Variants in CFAP95 observed in about 807,000 individuals in gnomAD.
CFAP95 encodes cilia and flagella associated protein 95.
chr9:69,823,136 G>T, the CFAP95 span, among the ~76,000 whole-genome samples: 7 of 152,184 alleles, frequency 4.6e-5, no homozygotes, highest in Non-Finnish European at 8.8e-5. Context: ...TACAACCATG[G>T]TGGAAGGCAA....
At chr9:69,848,825 G>A in the CFAP95 span, among the ~76,000 whole-genome samples, 1 of 152,132 alleles carries the variant, frequency 6.6e-6, no homozygotes, top group South Asian at 2.1e-4. Flanking sequence ...AATTACCTCA[G>A]TGAAAATCCT....
the CFAP95 span, among the ~76,000 whole-genome samples, chr9:69,878,909 G>A: frequency 6.6e-6 from 1 of 152,080 alleles, no homozygotes; most frequent in African/African-American, 2.4e-5. Flanking sequence ...AAGGTGAAGG[G>A]GGAGCAGGCA....
At chr9:69,854,968 C>G in the CFAP95 span, among the ~76,000 whole-genome samples, 1 of 152,208 alleles carries the variant, frequency 6.6e-6, no homozygotes, top group South Asian at 2.1e-4. Flanking sequence ...TCCACTATTG[C>G]TATCCTCAGT....
chr9:69,860,902 T>C, the CFAP95 span, among the ~76,000 whole-genome samples: 1 of 152,164 alleles, frequency 6.6e-6, no homozygotes, highest in Non-Finnish European at 1.5e-5. Context: ...TCATCTCCTG[T>C]GATAACAATG....
At chr9:69,823,707 G>A in the CFAP95 span, among the ~76,000 whole-genome samples, 21 of 152,320 alleles carry the variant, frequency 1.4e-4, no homozygotes, top group African/African-American at 4.8e-4. Context: ...GGCGGGCTGA[G>A]TCTGAAAAGA....
chr9:69,877,421 A>C, the CFAP95 span, among the ~76,000 whole-genome samples: 45 of 152,336 alleles, frequency 3.0e-4, no homozygotes, highest in Middle Eastern at 3.4e-3. Flanking sequence ...AATTGCTATC[A>C]TTATATCCAC....
At chr9:69,900,267 T>A in the CFAP95 span, among the ~76,000 whole-genome samples, 1 of 152,140 alleles carries the variant, frequency 6.6e-6, no homozygotes, top group Non-Finnish European at 1.5e-5. Context: ...TCTCTCCTCA[T>A]GACTATTGTT....
the CFAP95 span, among the ~76,000 whole-genome samples, chr9:69,891,157 A>G: frequency 1.3e-5 from 2 of 152,244 alleles, no homozygotes; most frequent in Non-Finnish European, 2.9e-5. Context: ...TTCACAATAC[A>G]TGGACAAGGC....
chr9:69,861,730 CAAAAAA>C, the CFAP95 span, among the ~76,000 whole-genome samples: 16 of 86,850 alleles, frequency 1.8e-4, no homozygotes, highest in African/African-American at 7.2e-4. Flanking sequence ...TCTTATGAGT[CAAAAAA>C]AAAAAAAAAA....
the CFAP95 span, among the ~76,000 whole-genome samples, chr9:69,880,868 G>A: frequency 6.6e-6 from 1 of 152,146 alleles, no homozygotes; most frequent in African/African-American, 2.4e-5. Context: ...GGCATGAGAT[G>A]ATATCTCATT....
At chr9:69,865,209 G>A in the CFAP95 span, among the ~76,000 whole-genome samples, 1 of 152,122 alleles carries the variant, frequency 6.6e-6, no homozygotes, top group South Asian at 2.1e-4. Flanking sequence ...ATCATTGTAA[G>A]TTTCCTGAGG....
chr9:69,896,541 C>T, the CFAP95 span, among the ~76,000 whole-genome samples: 1 of 152,170 alleles, frequency 6.6e-6, no homozygotes, highest in Non-Finnish European at 1.5e-5. Context: ...CTAAGAGTCT[C>T]ATGCTCTGTT....
the CFAP95 span, among the ~76,000 whole-genome samples, chr9:69,864,285 A>G: frequency 6.6e-6 from 1 of 152,192 alleles, no homozygotes; most frequent in Admixed American, 6.5e-5. Flanking sequence ...ATCACTAAGT[A>G]GCTTTTGGAA....
chr9:69,888,165 A>T, the CFAP95 span, among the ~76,000 whole-genome samples: 1,352 of 152,288 alleles, frequency 8.9e-3, 22 homozygotes, highest in African/African-American at 0.03. Context: ...GAATTTTAAG[A>T]TTCCAGGAAT....
chr9:69,898,950 A>C, the CFAP95 span, among the ~76,000 whole-genome samples: 575 of 151,848 alleles, frequency 3.8e-3, 3 homozygotes, highest in African/African-American at 0.013. Context: ...CCAGGCTTGA[A>C]GCTATGAATC....
At chr9:69,820,890 T>G in the CFAP95 span, 1 of 1,614,020 alleles carries the variant, frequency 6.2e-7, no homozygotes, top group Non-Finnish European at 8.5e-7. Flanking sequence ...ATGGATAGCC[T>G]TGACAGATCC....
chr9:69,856,301 A>G, the CFAP95 span, among the ~76,000 whole-genome samples: 1 of 152,198 alleles, frequency 6.6e-6, no homozygotes, highest in Non-Finnish European at 1.5e-5. Flanking sequence ...TAGAGTTAGT[A>G]TATTTAATTG....
chr9:69,887,529 A>T, the CFAP95 span, among the ~76,000 whole-genome samples: 4 of 152,356 alleles, frequency 2.6e-5, no homozygotes, highest in South Asian at 8.3e-4. Flanking sequence ...GCTTTCCTTC[A>T]CATCAACACT....
chr9:69,861,654 C>T, the CFAP95 span, among the ~76,000 whole-genome samples: 1 of 149,050 alleles, frequency 6.7e-6, no homozygotes, highest in African/African-American at 2.5e-5. Flanking sequence ...CGTCAGGCAC[C>T]ACATGTCAGT....
Sources: gnomAD v4.1 joint callset for allele counts (sites outside exome capture counted in the v4.1 genomes callset) on GRCh38, gnomAD v4.1.1 for gene constraint, MANE v1.5 for transcripts, NCBI Gene and HGNC (gene_info 2026-07-23, HGNC 2026-07-21) for gene names.